METTL21A: variants seen among roughly 807,000 people sequenced by gnomAD.
METTL21A encodes the protein methyltransferase 21A, HSPA lysine.
In METTL21A, 22 loss-of-function variants were observed where a neutral mutation model predicts 20.9. The observed-to-expected ratio is 1.05, with a 90% CI of 0.75 to 1.50. METTL21A has a LOEUF of 1.50. METTL21A is among the 40% of genes most tolerant of loss of function. The pLI, the probability that METTL21A is intolerant of heterozygous loss-of-function variation, is 0.00. For synonymous variants in METTL21A, 93 were observed against 102.0 expected, an observed-to-expected ratio of 0.91 and a Z score of 0.53; for missense variants, 271 against 266.8, an observed-to-expected ratio of 1.02 and a Z score of -0.11.
At position 207,599,050 on chromosome 2, in the gene METTL21A, G is replaced by A. The variant is rs573737561; in HGVS notation, c.260-16890C>T. ...TAACATTTGTAAATGGTATATTTTC[G>A]TTTGTAACAAACCATTGTCTTTTTT... On this transcript the variant is annotated intron_variant, in intron 3 of 3. Coordinates refer to the METTL21A transcript ENST00000425132. The A allele has an allele frequency of 1.4e-4, 25 of 184,618 alleles. No individual in the cohort carries two copies. The South Asian group carries it at 2.3e-3, about 17-fold the overall frequency. 11.4% of individuals were successfully genotyped at this position (184,618 alleles called of 1,614,324 possible). A position where few individuals can be genotyped will look rare whatever the true frequency, so the allele number is the denominator to read the frequency against.
chr2:207,589,717 G>A (rs977673415), intron 3 of METTL21A, among the ~76,000 whole-genome samples: 13 of 152,068 alleles, frequency 8.5e-5, no homozygotes, highest in Admixed American at 2.0e-4. Flanking sequence ...TGAGGTGATC[G>A]TGTTGTTTCT....
chr2:207,590,087 T>TTTG (rs2084702539), intron 3 of METTL21A, among the ~76,000 whole-genome samples: 1 of 95,522 alleles, frequency 1.0e-5, no homozygotes, highest in African/African-American at 3.4e-5. Flanking sequence ...TGAGAAGTTT[T>TTTG]TTTTTTTTTT....
intron 3 of METTL21A, chr2:207,600,953 A>G (rs1378636354): frequency 5.1e-6 from 1 of 194,296 alleles, no homozygotes; most frequent in East Asian, 8.1e-5. Context: ...TTTTAATTCT[A>G]TGATCAGCCA....
chr2:207,604,477 T>C (rs567671087), downstream of METTL21A, among the ~76,000 whole-genome samples: 140 of 62,296 alleles, frequency 2.2e-3, no homozygotes, highest in Non-Finnish European at 2.9e-3. Context: ...CTGTGCGTCC[T>C]AATTTCTCCA....
chr2:207,613,502 G>C, intron 3 of METTL21A, 59 bp from the exon 4 acceptor site: 1 of 1,467,676 alleles, frequency 6.8e-7, no homozygotes, highest in Non-Finnish European at 9.1e-7. Context: ...GTTAGGTAGA[G>C]AGGGGGTCAA....
chr2:207,600,659 G>A, intron 3 of METTL21A: 1 of 210,748 alleles, frequency 4.7e-6, no homozygotes, highest in Non-Finnish European at 9.6e-6. Flanking sequence ...TTTGAGCAGG[G>A]ATTTTGTCAG....
At chr2:207,603,355 T>C in intron 3 of METTL21A, 1 of 224,478 alleles carries the variant, frequency 4.5e-6, no homozygotes, top group East Asian at 6.5e-5. Context: ...ACTGTAATCT[T>C]TGTGGTATCA....
At chr2:207,582,932 C>T (rs772835520) in intron 3 of METTL21A, 231 of 217,472 alleles carry the variant, frequency 1.1e-3, no homozygotes, top group Non-Finnish European at 1.7e-3. Context: ...TATATATATA[C>T]ATACACACAC....
intron 3 of METTL21A, among the ~76,000 whole-genome samples, chr2:207,590,272 T>TC (rs772234167): frequency 4.0e-5 from 6 of 151,818 alleles, no homozygotes; most frequent in Non-Finnish European, 7.4e-5. Flanking sequence ...AGTAGGGATG[T>TC]CCCCCCGCTT....
chr2:207,621,983 G>A, intron 2 of METTL21A, 66 bp from the exon 3 acceptor site: 1 of 1,382,262 alleles, frequency 7.2e-7, no homozygotes, highest in Non-Finnish European at 1.0e-6. Flanking sequence ...CAGGGTTTCA[G>A]GTCAGCTACA....
chr2:207,603,380 CTTT>C (rs1423328427), intron 3 of METTL21A: 2 of 224,694 alleles, frequency 8.9e-6, no homozygotes, highest in African/African-American at 4.5e-5. Flanking sequence ...TCATAATGCT[CTTT>C]TTACACAAAC....
rs553947929 is a variant in METTL21A at position 207,616,184 on chromosome 2, A to T, written c.260-2741T>A. The stretch of plus-strand genomic sequence containing the variant: ...AACAGAGCGAGACCCTATCTCTTTT[A>T]AAAAAAAAAAAATGCAGACAGCCTT... On this transcript the variant is annotated intron_variant, in intron 3 of 3. Transcript: ENST00000406927. Among the ~76,000 whole-genome samples, 33 of 145,262 alleles carry T rather than the reference A, an allele frequency of 2.3e-4. 2 individuals are homozygous for T. The East Asian group carries it at 4.9e-3, about 22-fold the overall frequency.
At chr2:207,613,545 C>G in intron 3 of METTL21A, 102 bp from the exon 4 acceptor site, 1 of 1,073,984 alleles carries the variant, frequency 9.3e-7, no homozygotes, top group South Asian at 1.6e-5. Context: ...AATATTGCAT[C>G]TGATATGCAT....
At chr2:207,593,207 C>T (rs2085420954) in intron 3 of METTL21A, among the ~76,000 whole-genome samples, 1 of 152,132 alleles carries the variant, frequency 6.6e-6, no homozygotes, top group Non-Finnish European at 1.5e-5. Flanking sequence ...CCTATTAGAG[C>T]CTTTAACATG....
chr2:207,614,113 G>T (rs2089358285), intron 3 of METTL21A, among the ~76,000 whole-genome samples: 1 of 151,248 alleles, frequency 6.6e-6, no homozygotes, highest in South Asian at 2.1e-4. Context: ...GAAATATCTG[G>T]GAGCAGGCCA....
At chr2:207,603,260 T>C (rs2087421967) in intron 3 of METTL21A, 1 of 221,428 alleles carries the variant, frequency 4.5e-6, no homozygotes, top group Non-Finnish European at 9.0e-6. Context: ...AATAGCTGCT[T>C]TGTGTTCAGA....
At chr2:207,587,245 C>G (rs2084024401) in intron 3 of METTL21A, among the ~76,000 whole-genome samples, 1 of 151,752 alleles carries the variant, frequency 6.6e-6, no homozygotes, top group African/African-American at 2.4e-5. Flanking sequence ...TCCAAAAATT[C>G]AGCCAGGCAT....
intron 3 of METTL21A, among the ~76,000 whole-genome samples, chr2:207,596,453 G>A (rs2086179902): frequency 6.6e-6 from 1 of 151,376 alleles, no homozygotes; most frequent in Non-Finnish European, 1.5e-5. Context: ...GTTTCTTTGA[G>A]ACGGAGTCTC....
chr2:207,589,548 T>C (rs1268117198), intron 3 of METTL21A, among the ~76,000 whole-genome samples: 1 of 152,234 alleles, frequency 6.6e-6, no homozygotes, highest in East Asian at 1.9e-4. Flanking sequence ...GATTAGTACA[T>C]GGACACCTTT....
Sources: allele counts gnomAD v4.1 joint callset (sites outside exome capture counted in the v4.1 genomes callset), GRCh38; gene constraint gnomAD v4.1.1; transcripts MANE v1.5; gene names NCBI Gene and HGNC (gene_info 2026-07-23, HGNC 2026-07-21).